Variants in CBFA2T2 observed in about 807,000 individuals in gnomAD.
CBFA2T2 encodes the protein CBFA2/RUNX1 partner transcriptional co-repressor 2.
A neutral mutation model predicts 62.2 loss-of-function variants in CBFA2T2; 11 were observed. That is an observed-to-expected ratio of 0.18 (90% confidence interval 0.11 to 0.29). The LOEUF (loss-of-function observed/expected upper bound fraction) is 0.29, where lower values mean the gene tolerates loss of function less well. Among genes scored for constraint, CBFA2T2 ranks in the 10% least tolerant of loss-of-function variants. CBFA2T2 has a pLI of 1.00. For synonymous variants in CBFA2T2, 295 were observed against 287.5 expected (o/e 1.03, Z -0.27); for missense variants, 592 against 774.1 (o/e 0.76, Z 2.79).
intron 1 of CBFA2T2, chr20:33,562,520 G>A (rs1340642947): frequency 1.0e-6 from 1 of 985,780 alleles, no homozygotes; most frequent in Non-Finnish European, 1.2e-6. Context: ...ATGTGAGAGA[G>A]CTGACACATG....
chr20:33,525,369 A>G (rs532049158), intron 1 of CBFA2T2, among the ~76,000 whole-genome samples: 1 of 150,856 alleles, frequency 6.6e-6, no homozygotes, highest in African/African-American at 2.4e-5. Flanking sequence ...TATTTTTAGT[A>G]GAGATGGGGT....
Position 33,628,336 on chromosome 20 carries a change from G to A in CBFA2T2, c.947-14G>A, listed in dbSNP as rs1416835260. ...TTCCTGCTATCTTTGAATTTAATCT[G>A]TAATTTCTAATAGGTCTAAATGGAG... On this transcript the variant is annotated splice_polypyrimidine_tract_variant and intron_variant, in intron 6 of 10. Transcript: ENST00000342704. The A allele has an allele frequency of 1.9e-6, 3 of 1,585,456 alleles. No individual in the cohort carries two copies. Among genetic ancestry groups the A allele is most frequent in the Non-Finnish European group, 1.7e-6 (2 of 1,154,276 alleles).
intron 8 of CBFA2T2, among the ~76,000 whole-genome samples, chr20:33,635,749 A>G (rs1164254844): frequency 6.6e-6 from 1 of 152,122 alleles, no homozygotes; most frequent in Non-Finnish European, 1.5e-5. Flanking sequence ...ATGGTGGTAC[A>G]TGCCTAAAGT....
At chr20:33,544,318 C>A (rs115993704) in intron 1 of CBFA2T2, among the ~76,000 whole-genome samples, 1 of 152,102 alleles carries the variant, frequency 6.6e-6, no homozygotes, top group South Asian at 2.1e-4. Context: ...AGGACCTTTA[C>A]CTAGACAATT....
At chr20:33,569,169 G>T (rs1333908332) in intron 1 of CBFA2T2, among the ~76,000 whole-genome samples, 4 of 152,154 alleles carry the variant, frequency 2.6e-5, no homozygotes, top group African/African-American at 9.7e-5. Context: ...CCTAGGGTGG[G>T]GGTAGGGCAC....
In CBFA2T2 at chr20:33,624,826, G is replaced by A. The variant is rs748425625; in HGVS notation, c.755G>A (p.Cys252Tyr). The A allele has an allele frequency of 1.9e-6, 3 of 1,614,162 alleles. No homozygotes were observed. Among genetic ancestry groups the A allele is most frequent in the East Asian group, 4.5e-5 (2 of 44,882 alleles). ...CCTGAGCCTCCTGCCAAGAGAGTAT[G>A]TACCATCAGCCCTGCTCCTCGGCAC... ...IAPEPPAKRV[C>Y]TISPAPRHSP... Residue 252 changes from cysteine (C) to tyrosine (Y), a missense_variant, in exon 6 of 11, where the codon TGT becomes TAT. Physicochemically the swap from Cys to Tyr is radical, Grantham distance 194. This residue lies in a region of CBFA2T2 where 449 missense variants were observed against 551.2 expected (regional missense o/e 0.81). Coordinates refer to ENST00000342704, the MANE Select transcript of CBFA2T2 (RefSeq NM_001032999.3).
Position 33,629,280 on chromosome 20 carries a change from C to T in CBFA2T2, c.1033-439C>T, listed in dbSNP as rs542347252. Reference sequence around the variant, plus strand: ...CAACCCCCCAAAATTGTTTATATTCCAAAATTATTTTGCACTCTGAAAGAT... The same window carrying T: ...CAACCCCCCAAAATTGTTTATATTCTAAAATTATTTTGCACTCTGAAAGAT... On this transcript the variant is annotated intron_variant, in intron 7 of 10. Coordinates refer to ENST00000342704, the MANE Select transcript of CBFA2T2 (RefSeq NM_001032999.3). Among the ~76,000 whole-genome samples, 22 of 152,222 alleles carry T rather than the reference C, an allele frequency of 1.4e-4. No homozygotes were observed. In the South Asian group the frequency reaches 4.6e-3, roughly 32 times the overall value.
At chr20:33,493,890 TG>T (rs1286194458) in intron 1 of CBFA2T2, among the ~76,000 whole-genome samples, 3 of 152,106 alleles carry the variant, frequency 2.0e-5, no homozygotes, top group African/African-American at 7.2e-5. Context: ...TGTTTTTTTA[TG>T]GTTTTTTTTG....
chr20:33,568,694 C>A (rs2013436779), intron 1 of CBFA2T2, among the ~76,000 whole-genome samples: 1 of 152,124 alleles, frequency 6.6e-6, no homozygotes, highest in African/African-American at 2.4e-5. Flanking sequence ...CATTAAAAAC[C>A]CATCTGAAAC....
At chr20:33,592,569 AT>A (rs1419097263) in intron 1 of CBFA2T2, among the ~76,000 whole-genome samples, 1 of 151,928 alleles carries the variant, frequency 6.6e-6, no homozygotes, top group Non-Finnish European at 1.5e-5. Context: ...CTAAAAATTC[AT>A]GCAACATCGC....
At chr20:33,600,879 A>T (rs972431664) in intron 1 of CBFA2T2, among the ~76,000 whole-genome samples, 1 of 152,220 alleles carries the variant, frequency 6.6e-6, no homozygotes, top group Non-Finnish European at 1.5e-5. Context: ...GGACCAAATT[A>T]TTGGAAATAA....
chr20:33,561,127 C>T (rs1391519123), intron 1 of CBFA2T2, among the ~76,000 whole-genome samples: 2 of 152,166 alleles, frequency 1.3e-5, no homozygotes, highest in Admixed American at 6.5e-5. Flanking sequence ...CCGCTTGCCT[C>T]GGCCTCCAAA....
chr20:33,624,640 T>C (rs2122339596), intron 5 of CBFA2T2, 124 bp from the exon 6 acceptor site: 3 of 1,060,140 alleles, frequency 2.8e-6, no homozygotes, highest in South Asian at 1.5e-5. Context: ...GTCACACCTT[T>C]CCTTAGAGGC....
rs190742456 is a variant in CBFA2T2, at chr20:33,494,946, G to C, written c.34+4645G>C. 6.3e-3 allele frequency among the ~76,000 whole-genome samples: 963 copies of C among 152,240 alleles called. 10 individuals carry two copies. Among genetic ancestry groups the C allele is most frequent in the African/African-American group, 0.022 (910 of 41,550 alleles). On this transcript the variant is annotated intron_variant, in intron 1 of 10. Coordinates refer to ENST00000342704, the MANE Select transcript of CBFA2T2 (RefSeq NM_001032999.3). ...AAATAGACATTTTACAGAAGGATAA[G>C]GTAAAATAAATGGAAGTAGCAGTTC...
chr20:33,500,847 A>C (rs1455277533), intron 1 of CBFA2T2, among the ~76,000 whole-genome samples: 1 of 152,240 alleles, frequency 6.6e-6, no homozygotes, highest in Non-Finnish European at 1.5e-5. Context: ...AAGGCAACAG[A>C]AACTGTCAGC....
At chr20:33,498,621 C>T (rs932820803) in intron 1 of CBFA2T2, among the ~76,000 whole-genome samples, 2 of 152,094 alleles carry the variant, frequency 1.3e-5, no homozygotes, top group Non-Finnish European at 2.9e-5. Flanking sequence ...TGGTGCCACT[C>T]AGCTGTAGTC....
intron 1 of CBFA2T2, among the ~76,000 whole-genome samples, chr20:33,539,579 G>T (rs145683142): frequency 6.6e-5 from 10 of 152,124 alleles, no homozygotes; most frequent in African/African-American, 2.4e-4. Context: ...TACCATAAAT[G>T]TATTATAGGT....
intron 1 of CBFA2T2, among the ~76,000 whole-genome samples, chr20:33,593,659 C>T (rs1181864336): frequency 6.6e-6 from 1 of 152,166 alleles, no homozygotes; most frequent in Non-Finnish European, 1.5e-5. Context: ...TCCCAAAGTG[C>T]TGGTATTACA....
At chr20:33,540,624 A>G (rs541143819) in intron 1 of CBFA2T2, among the ~76,000 whole-genome samples, 1 of 152,332 alleles carries the variant, frequency 6.6e-6, no homozygotes, top group East Asian at 1.9e-4. Context: ...ATATGGTAAC[A>G]TGCTGACTAG....
Sources: gnomAD v4.1 joint callset for allele counts (sites outside exome capture counted in the v4.1 genomes callset) on GRCh38, gnomAD v4.1.1 for gene constraint, gnomAD v4.1.1 regional missense constraint, MANE v1.5 for transcripts, NCBI Gene and HGNC (gene_info 2026-07-23, HGNC 2026-07-21) for gene names.